The following TCF4 variants were observed in gnomAD, a reference collection of about 807,000 sequenced individuals.
TCF4 encodes transcription factor 4.
A neutral mutation model predicts 82.1 loss-of-function variants in TCF4; 3 were observed. That is an observed-to-expected ratio of 0.04 (90% CI 0.02 to 0.09). TCF4 has a LOEUF of 0.09. Among genes scored for constraint, TCF4 ranks in the 10% least tolerant of loss-of-function variants. TCF4 has a pLI of 1.00. For missense variants in TCF4, 518 were observed against 852.7 expected (o/e 0.61, Z 4.89); for synonymous variants, 276 against 309.6 (o/e 0.89, Z 1.14).
chr18:55,322,290 C>T, intron 8 of TCF4: 1 of 1,047,318 alleles, frequency 9.5e-7, no homozygotes, highest in Non-Finnish European at 1.2e-6. Flanking sequence ...GATTAAAAAG[C>T]GAGTGGCAGG....
chr18:55,390,623 T>A (rs1448073403), intron 6 of TCF4, among the ~76,000 whole-genome samples: 1 of 152,216 alleles, frequency 6.6e-6, no homozygotes, highest in Non-Finnish European at 1.5e-5. Context: ...GGAAGATATA[T>A]TAGATGGAAC....
intron 6 of TCF4, among the ~76,000 whole-genome samples, chr18:55,377,805 T>A (rs775750623): frequency 2.6e-5 from 4 of 152,246 alleles, no homozygotes; most frequent in Non-Finnish European, 5.9e-5. Context: ...GGCAATTCTA[T>A]ACTGTGTTGA....
At chr18:55,422,281 T>G in intron 5 of TCF4, 5 of 985,360 alleles carry the variant, frequency 5.1e-6, no homozygotes, top group Non-Finnish European at 6.0e-6. Flanking sequence ...ATGAATAAAC[T>G]GTTGTGGCGT....
At chr18:55,584,288 T>C (rs1603624608) in intron 3 of TCF4, among the ~76,000 whole-genome samples, 1 of 152,126 alleles carries the variant, frequency 6.6e-6, no homozygotes, top group South Asian at 2.1e-4. Context: ...ATCTCACAGT[T>C]AAAAGATGTC....
At chr18:55,345,932 T>A (rs2081078964) in intron 8 of TCF4, among the ~76,000 whole-genome samples, 1 of 152,206 alleles carries the variant, frequency 6.6e-6, no homozygotes. Context: ...TACTGATTTT[T>A]TAAATCATAC....
At chr18:55,457,054 A>C (rs1407304812) in intron 5 of TCF4, among the ~76,000 whole-genome samples, 2 of 152,244 alleles carry the variant, frequency 1.3e-5, no homozygotes, top group Admixed American at 1.3e-4. Context: ...GAAAGCAACG[A>C]GTGAGTTCTT....
At position 55,386,490 on chromosome 18, in the gene TCF4, A is replaced by G. The variant is rs115979051; in HGVS notation, c.369+16964T>C. ...ATCATAATTTCTTGGTCAAATGCCA[A>G]CTTGCAATCTACAGTTTTGTAGTTT... On this transcript the variant is annotated intron_variant, in intron 6 of 19. Coordinates refer to ENST00000354452, the MANE Select transcript of TCF4 (RefSeq NM_001083962.2). 3.0e-3 allele frequency among the ~76,000 whole-genome samples: 464 copies of G among 152,314 alleles called. 4 individuals carry two copies. The highest frequency in any genetic ancestry group is 9.5e-3 in the African/African-American group (393 of 41,570).
At chr18:55,551,689 C>T (rs1449521422) in intron 3 of TCF4, 4 of 152,184 alleles carry the variant, frequency 2.6e-5, no homozygotes, top group African/African-American at 7.2e-5. Flanking sequence ...ATTCCTGCAC[C>T]TCATACTTGC....
At chr18:55,458,491 T>A (rs998529670) in intron 5 of TCF4, among the ~76,000 whole-genome samples, 3 of 152,232 alleles carry the variant, frequency 2.0e-5, no homozygotes, top group African/African-American at 4.8e-5. Flanking sequence ...CACCAATAGA[T>A]CTTACTTTGT....
At chr18:55,532,151 C>T (rs1271739407) in intron 3 of TCF4, among the ~76,000 whole-genome samples, 1 of 152,144 alleles carries the variant, frequency 6.6e-6, no homozygotes, top group Non-Finnish European at 1.5e-5. Flanking sequence ...GTCCATATAT[C>T]TTAGGCCCAC....
chr18:55,485,890 A>G (rs919618532), intron 3 of TCF4, among the ~76,000 whole-genome samples: 5 of 152,224 alleles, frequency 3.3e-5, no homozygotes, highest in African/African-American at 4.8e-5. Context: ...GATGTGTCAC[A>G]CACACAGAAT....
At chr18:55,634,105 C>T (rs1448396975) in intron 1 of TCF4, among the ~76,000 whole-genome samples, 1 of 152,038 alleles carries the variant, frequency 6.6e-6, no homozygotes, top group African/African-American at 2.4e-5. Context: ...CCCGTCTCTA[C>T]TAAAAATACA....
At chr18:55,434,419 C>CTTTTTT (rs765165999) in intron 5 of TCF4, among the ~76,000 whole-genome samples, 23 of 118,170 alleles carry the variant, frequency 1.9e-4, no homozygotes, top group African/African-American at 5.6e-4. Flanking sequence ...ACAGGACATT[C>CTTTTTT]TTTTTTTTTT....
At chr18:55,545,160 A>C (rs1237520154) in intron 3 of TCF4, among the ~76,000 whole-genome samples, 1 of 152,186 alleles carries the variant, frequency 6.6e-6, no homozygotes, top group Non-Finnish European at 1.5e-5. Flanking sequence ...CAAAACAGGG[A>C]TCTGCTACTT....
At chr18:55,576,040 T>C (rs1477619501) in intron 3 of TCF4, among the ~76,000 whole-genome samples, 1 of 152,194 alleles carries the variant, frequency 6.6e-6, no homozygotes, top group East Asian at 1.9e-4. Context: ...ATTTTTGCAA[T>C]CTTAAAATGT....
intron 5 of TCF4, among the ~76,000 whole-genome samples, chr18:55,433,198 G>A (rs933436758): frequency 6.6e-6 from 1 of 152,152 alleles, no homozygotes; most frequent in Admixed American, 6.5e-5. Flanking sequence ...TGTGTGCTAA[G>A]CCCAAAACAT....
At chr18:55,339,237 A>G (rs2079289470) in intron 8 of TCF4, among the ~76,000 whole-genome samples, 2 of 152,214 alleles carry the variant, frequency 1.3e-5, no homozygotes. Context: ...TAGGTCAAAA[A>G]GTGAAATGTG....
chr18:55,476,100 A>T (rs189600914), intron 3 of TCF4, among the ~76,000 whole-genome samples: 1 of 152,302 alleles, frequency 6.6e-6, no homozygotes, highest in African/African-American at 2.4e-5. Context: ...GGCACTTCCC[A>T]ATTAAATTCA....
intron 5 of TCF4, among the ~76,000 whole-genome samples, chr18:55,437,576 A>C (rs1163920784): frequency 1.3e-5 from 2 of 152,340 alleles, no homozygotes; most frequent in East Asian, 1.9e-4. Context: ...ATAAGTATTG[A>C]GTTCAAGAAA....
Sources: gnomAD v4.1 joint callset for allele counts (sites outside exome capture counted in the v4.1 genomes callset) on GRCh38, gnomAD v4.1.1 for gene constraint, MANE v1.5 for transcripts, NCBI Gene and HGNC (gene_info 2026-07-23, HGNC 2026-07-21) for gene names.